RGL3: variants seen among roughly 807,000 people sequenced by gnomAD.
RGL3 encodes ral guanine nucleotide dissociation stimulator-like 3.
In RGL3, 85 loss-of-function variants were observed where a neutral mutation model predicts 90.6. The observed-to-expected ratio is 0.94, with a 90% CI of 0.79 to 1.12. The LOEUF is 1.12. Among genes scored for constraint, RGL3 ranks in the 50% most tolerant of loss-of-function variants. The pLI is 0.00. For synonymous variants in RGL3, 408 were observed against 385.5 expected (o/e 1.06, Z -0.68); for missense variants, 1,034 against 939.2 (o/e 1.10, Z -1.32).
Position 11,402,093 on chromosome 19 carries a change from G to T in RGL3, c.1402C>A (p.Arg468Ser), listed in dbSNP as rs200877046. Reference protein sequence around the residue: ...ILARIQQLQRRCQSYTLSPHP... With the variant: ...ILARIQQLQRSCQSYTLSPHP... Reference sequence around the variant, plus strand: ...GGGCTCAGGGTGTAGCTCTGACAGCGCCTCTGCAGCTGCTGGATGCGGGCC... The same window carrying T: ...GGGCTCAGGGTGTAGCTCTGACAGCTCCTCTGCAGCTGCTGGATGCGGGCC... Residue 468 changes from arginine to serine, a missense_variant, in exon 13 of 19, where the codon CGC (arginine) becomes AGC (serine). Transcript: ENST00000380456. The T allele has an allele frequency of 1.9e-6, 3 of 1,596,972 alleles. No individual in the cohort carries two copies. The highest frequency in any genetic ancestry group is 4.5e-5 in the East Asian group (2 of 44,812).
chr19:11,394,285 G>A lies in RGL3; in HGVS notation c.*117C>T, dbSNP rs150170942. The A allele has an allele frequency of 9.4e-4, 727 of 771,162 alleles. 5 individuals are homozygous for A. In the African/African-American group the frequency reaches 0.011, roughly 12 times the overall value. The allele number at this position is 771,162 out of a possible 1,614,324, so 47.8% of individuals were successfully genotyped here. On this transcript the variant is annotated 3_prime_UTR_variant, in exon 19 of 19. Coordinates refer to ENST00000380456, the MANE Select transcript of RGL3 (RefSeq NM_001035223.4). ...GATGGGGTCCAATGGGCTACAGTTG[G>A]GTGGTGGTCCTGGGATACACAGCAC...
intron 13 of RGL3, among the ~76,000 whole-genome samples, 173 bp from the exon 14 acceptor site, chr19:11,400,470 T>C (rs964648120): frequency 2.0e-5 from 3 of 152,054 alleles, no homozygotes; most frequent in Non-Finnish European, 4.4e-5. Flanking sequence ...CATCAAGGTC[T>C]TATCAGAGAT....
chr19:11,409,150 G>A (rs1265414592), intron 5 of RGL3, among the ~76,000 whole-genome samples: 3 of 150,818 alleles, frequency 2.0e-5, no homozygotes, highest in Non-Finnish European at 3.0e-5. Context: ...CTCTAGCCTG[G>A]GTGACAGAGA....
Position 11,403,181 on chromosome 19 carries a change from G to GC in RGL3, c.1186-476dup, listed in dbSNP as rs909519178. On this transcript the variant is annotated intron_variant, in intron 9 of 18. Coordinates refer to ENST00000380456, the MANE Select transcript of RGL3 (RefSeq NM_001035223.4). The stretch of plus-strand genomic sequence containing the variant: ...CTCTCAAGTAGCTGGGACTACAGGC[G>GC]CCCCCCACCTCGCCCAGCTAATTTT... 1.2e-4 allele frequency among the ~76,000 whole-genome samples: 18 copies of GC among 151,282 alleles called. 1 individual carries two copies. The highest frequency in any genetic ancestry group is 4.1e-4 in the African/African-American group (17 of 41,458).
chr19:11,394,366 G>T lies in RGL3; in HGVS notation c.*36C>A. On this transcript the variant is annotated 3_prime_UTR_variant, in exon 19 of 19. Coordinates refer to ENST00000380456, the MANE Select transcript of RGL3 (RefSeq NM_001035223.4). ...CAGGAGAAGAGTCGCAAGCTTGCCT[G>T]TGGGACTTGTGTCTTGTGGAGAGGA... 6.6e-7 allele frequency: 1 copy of T among 1,517,182 alleles called. No individual in the cohort carries two copies. Among genetic ancestry groups the T allele is most frequent in the Non-Finnish European group, 9.2e-7 (1 of 1,091,776 alleles). 94.0% of individuals were successfully genotyped at this position (1,517,182 alleles called of 1,614,324 possible).
chr19:11,397,694 A>G (rs1968602826), intron 16 of RGL3, 97 bp from the exon 17 acceptor site: 6 of 1,172,202 alleles, frequency 5.1e-6, no homozygotes, highest in African/African-American at 1.6e-5. Context: ...GGTGCATTCA[A>G]TAGCCCCACA....
At chr19:11,414,155 A>ACC (rs1290805252) in intron 5 of RGL3, among the ~76,000 whole-genome samples, 1 of 88,018 alleles carries the variant, frequency 1.1e-5, no homozygotes, top group African/African-American at 4.5e-5. Context: ...ATATATATAT[A>ACC]TATATATATA....
At chr19:11,395,902 C>T (rs1968556538) in intron 18 of RGL3, among the ~76,000 whole-genome samples, 1 of 149,130 alleles carries the variant, frequency 6.7e-6, no homozygotes, top group Admixed American at 6.7e-5. Context: ...GCTGGGATTA[C>T]AGGCGTGAGC....
chr19:11,413,711 T>A (rs1194236179), intron 5 of RGL3, among the ~76,000 whole-genome samples: 2 of 139,224 alleles, frequency 1.4e-5, no homozygotes, highest in African/African-American at 2.5e-5. Context: ...TATTTAATTT[T>A]AATTAATTAA....
chr19:11,404,052 G>A (rs1968726870), intron 9 of RGL3, among the ~76,000 whole-genome samples: 1 of 152,072 alleles, frequency 6.6e-6, no homozygotes, highest in African/African-American at 2.4e-5. Flanking sequence ...CCAGCTAATT[G>A]TTGTATTTTT....
chr19:11,417,159 T>A, intron 2 of RGL3, 100 bp from the exon 3 acceptor site: 1 of 661,750 alleles, frequency 1.5e-6, no homozygotes, highest in Non-Finnish European at 2.2e-6. Flanking sequence ...TTTTTTTTTG[T>A]TTTTTTTTTT....
intron 11 of RGL3, 61 bp downstream of exon 11, chr19:11,402,394 A>T: frequency 6.4e-7 from 1 of 1,566,218 alleles, no homozygotes; most frequent in Non-Finnish European, 8.7e-7. Flanking sequence ...GGATATTGGG[A>T]GGCCCATTGT....
intron 7 of RGL3, 91 bp downstream of exon 7, chr19:11,406,328 T>C (rs531633132): frequency 6.7e-4 from 854 of 1,279,128 alleles, no homozygotes; most frequent in Non-Finnish European, 8.7e-4. Flanking sequence ...CTCCCTCGCC[T>C]AGACTCGCCC....
intron 5 of RGL3, among the ~76,000 whole-genome samples, chr19:11,407,486 G>A (rs1968803533): frequency 6.6e-6 from 1 of 151,978 alleles, no homozygotes; most frequent in East Asian, 1.9e-4. Context: ...GTTTGAAGCC[G>A]GGTACTCAAA....
At chr19:11,419,191 T>C in intron 1 of RGL3, 55 bp downstream of exon 1, 1 of 1,573,160 alleles carries the variant, frequency 6.4e-7, no homozygotes, top group Non-Finnish European at 8.6e-7. Context: ...GCTTGGAGTT[T>C]CTGGACCTGC....
At chr19:11,413,724 AATT>A (rs1568341222) in intron 5 of RGL3, among the ~76,000 whole-genome samples, 1 of 148,254 alleles carries the variant, frequency 6.7e-6, no homozygotes, top group Non-Finnish European at 1.5e-5. Context: ...TTAATTAATT[AATT>A]ATTATTATAA....
intron 18 of RGL3, among the ~76,000 whole-genome samples, chr19:11,396,142 A>C (rs1344409051): frequency 1.1e-3 from 61 of 54,126 alleles, no homozygotes; most frequent in African/African-American, 2.6e-3. Flanking sequence ...CTCTCTATAT[A>C]TATATATATA....
chr19:11,402,601 C>T (rs1294128410), intron 10 of RGL3, 49 bp downstream of exon 10: 2 of 1,612,762 alleles, frequency 1.2e-6, no homozygotes, highest in Non-Finnish European at 1.7e-6. Context: ...CCATCCACAA[C>T]CCTCCCTGAA....
intron 18 of RGL3, among the ~76,000 whole-genome samples, chr19:11,395,057 C>T (rs1158177450): frequency 2.0e-5 from 3 of 150,780 alleles, no homozygotes; most frequent in African/African-American, 7.3e-5. Flanking sequence ...CCTGCCATTG[C>T]ACTCCAGCCT....
Sources: gnomAD v4.1 joint callset for allele counts (sites outside exome capture counted in the v4.1 genomes callset) on GRCh38, gnomAD v4.1.1 for gene constraint, MANE v1.5 for transcripts, NCBI Gene and HGNC (gene_info 2026-07-23, HGNC 2026-07-21) for gene names.